Variants in SPIDR observed in about 807,000 individuals in gnomAD.
SPIDR encodes scaffold protein involved in DNA repair, also known as DNA repair-scaffolding protein.
In SPIDR, 93 loss-of-function variants were observed where a neutral mutation model predicts 104.6. That is an observed-to-expected ratio of 0.89 (90% CI 0.75 to 1.06). SPIDR has a LOEUF of 1.06. SPIDR is among the 50% of genes least tolerant of loss of function. SPIDR has a pLI of 0.00. For missense variants in SPIDR, 1,154 were observed against 1,111.2 expected, an observed-to-expected ratio of 1.04 and a Z score of -0.55; for synonymous variants, 431 against 416.9, an observed-to-expected ratio of 1.03 and a Z score of -0.41.
chr8:47,490,661 T>C (rs899960920), intron 8 of SPIDR, among the ~76,000 whole-genome samples: 2 of 152,158 alleles, frequency 1.3e-5, no homozygotes, highest in Non-Finnish European at 2.9e-5. Context: ...GAATACTATG[T>C]AGCCATAAAA....
intron 1 of SPIDR, among the ~76,000 whole-genome samples, chr8:47,261,535 G>C (rs2032317576): frequency 6.6e-6 from 1 of 152,216 alleles, no homozygotes; most frequent in Non-Finnish European, 1.5e-5. Flanking sequence ...CTGTATCCGC[G>C]AGTGCATCCT....
At chr8:47,312,234 C>T (rs1233676651) in intron 5 of SPIDR, among the ~76,000 whole-genome samples, 1 of 152,132 alleles carries the variant, frequency 6.6e-6, no homozygotes, top group Non-Finnish European at 1.5e-5. Context: ...GGTATATACC[C>T]AGTAATGGGA....
intron 10 of SPIDR, among the ~76,000 whole-genome samples, chr8:47,600,115 T>C (rs1007107058): frequency 2.6e-5 from 4 of 152,202 alleles, no homozygotes; most frequent in African/African-American, 9.6e-5. Context: ...AGAAGTAACA[T>C]GGATTTCCAA....
chr8:47,442,830 C>A (rs1554698276), intron 8 of SPIDR, among the ~76,000 whole-genome samples: 2 of 152,114 alleles, frequency 1.3e-5, no homozygotes, highest in Non-Finnish European at 2.9e-5. Context: ...AAACGCCTGG[C>A]CTCAAGCAGT....
intron 5 of SPIDR, among the ~76,000 whole-genome samples, chr8:47,358,649 A>G (rs925449240): frequency 3.3e-5 from 5 of 152,204 alleles, no homozygotes; most frequent in African/African-American, 4.8e-5. Flanking sequence ...CCCTGTTGCT[A>G]TTTCTAAACA....
intron 10 of SPIDR, 121 bp downstream of exon 10, chr8:47,599,317 TTTTG>T: frequency 7.3e-7 from 1 of 1,367,518 alleles, no homozygotes; most frequent in South Asian, 1.5e-5. Context: ...CGTGAGCTGT[TTTTG>T]TTTTTCCTTG....
At chr8:47,421,860 G>C (rs2065533484) in intron 7 of SPIDR, among the ~76,000 whole-genome samples, 1 of 152,196 alleles carries the variant, frequency 6.6e-6, no homozygotes, top group African/African-American at 2.4e-5. Context: ...GTCTGTTGGA[G>C]TTTGCTGGAG....
At chr8:47,645,624 C>T (rs910073898) in intron 10 of SPIDR, among the ~76,000 whole-genome samples, 1 of 152,078 alleles carries the variant, frequency 6.6e-6, no homozygotes, top group African/African-American at 2.4e-5. Context: ...TTAATGAAAG[C>T]CACTTTCTAA....
intron 5 of SPIDR, among the ~76,000 whole-genome samples, chr8:47,372,191 C>G (rs782412545): frequency 5.3e-5 from 8 of 152,146 alleles, no homozygotes; most frequent in Non-Finnish European, 1.2e-4. Context: ...TTCTTCTGTA[C>G]TTTGAGTTTC....
chr8:47,609,693 G>A (rs921021463), intron 10 of SPIDR, among the ~76,000 whole-genome samples: 4 of 152,068 alleles, frequency 2.6e-5, no homozygotes, highest in Admixed American at 6.6e-5. Flanking sequence ...TTTCAGAGTA[G>A]AGTTAGAGGT....
chr8:47,520,819 T>C (rs2083947517), intron 8 of SPIDR, among the ~76,000 whole-genome samples: 1 of 152,190 alleles, frequency 6.6e-6, no homozygotes, highest in African/African-American at 2.4e-5. Flanking sequence ...TGCCATCCTA[T>C]GATCTGTAGA....
At chr8:47,563,767 G>T (rs182591429) in intron 8 of SPIDR, among the ~76,000 whole-genome samples, 28 of 152,278 alleles carry the variant, frequency 1.8e-4, no homozygotes, top group African/African-American at 6.5e-4. Context: ...GAGAAACTGG[G>T]CAAGTTTTCA....
intron 8 of SPIDR, among the ~76,000 whole-genome samples, chr8:47,580,351 C>T (rs1200546276): frequency 1.3e-5 from 2 of 152,194 alleles, no homozygotes; most frequent in Non-Finnish European, 2.9e-5. Flanking sequence ...TGCCGACCAT[C>T]CTTCCCACTG....
At chr8:47,413,041 T>G (rs946527236) in intron 7 of SPIDR, among the ~76,000 whole-genome samples, 1 of 152,242 alleles carries the variant, frequency 6.6e-6, no homozygotes, top group Non-Finnish European at 1.5e-5. Context: ...CAACTGGATA[T>G]AAATATTTGC....
intron 10 of SPIDR, among the ~76,000 whole-genome samples, chr8:47,617,780 G>A (rs537949754): frequency 8.1e-4 from 124 of 152,274 alleles, no homozygotes; most frequent in African/African-American, 2.9e-3. Flanking sequence ...AATAAGTTTT[G>A]TCCTGGATGA....
intron 5 of SPIDR, among the ~76,000 whole-genome samples, chr8:47,360,288 C>G (rs908605040): frequency 6.0e-5 from 9 of 149,796 alleles, no homozygotes; most frequent in African/African-American, 2.2e-4. Context: ...GAGGGACTGC[C>G]TTTCCCTGGA....
chr8:47,457,602 A>G lies in SPIDR; in HGVS notation c.1097+17060A>G, dbSNP rs59743578. On this transcript the variant is annotated intron_variant, in intron 8 of 19. Coordinates refer to ENST00000297423, the MANE Select transcript of SPIDR (RefSeq NM_001080394.4). ...CATGCAAAAGCTCTTTAGTTTAATT[A>G]AGTTCCACCTCTTTGTTTTTGTTGC... Among the ~76,000 whole-genome samples, 384 of 152,066 alleles carry G rather than the reference A, an allele frequency of 2.5e-3. 9 individuals are homozygous for G. In the East Asian group the frequency reaches 0.044, roughly 18 times the overall value.
At chr8:47,325,422 A>G (rs1292718880) in intron 5 of SPIDR, among the ~76,000 whole-genome samples, 1 of 151,952 alleles carries the variant, frequency 6.6e-6, no homozygotes, top group Non-Finnish European at 1.5e-5. Flanking sequence ...CTTAGAAAGT[A>G]TGAAGAAAGG....
chr8:47,658,308 C>T (rs1368264607), intron 10 of SPIDR, among the ~76,000 whole-genome samples: 1 of 151,414 alleles, frequency 6.6e-6, no homozygotes, highest in Non-Finnish European at 1.5e-5. Context: ...GTCCCAGCTA[C>T]TCGGGAGGCT....
Sources: allele counts gnomAD v4.1 joint callset (sites outside exome capture counted in the v4.1 genomes callset), GRCh38; gene constraint gnomAD v4.1.1; transcripts MANE v1.5; gene names NCBI Gene and HGNC (gene_info 2026-07-23, HGNC 2026-07-21).